The following NRXN1 variants were observed in gnomAD, a reference collection of about 807,000 sequenced individuals.
The protein encoded by NRXN1 is neurexin 1, also known as neurexin-1.
Under a neutral mutation model 150.9 loss-of-function variants are expected in NRXN1, and 39 were observed. The ratio of observed to expected loss-of-function variants is 0.26; its 90% CI spans 0.20 to 0.34. The LOEUF (loss-of-function observed/expected upper bound fraction) is 0.34. NRXN1 is among the 10% of genes least tolerant of loss of function. The pLI, the probability that NRXN1 is intolerant of heterozygous loss-of-function variation, is 1.00. For missense variants in NRXN1, 1,815 were observed against 1,949.9 expected, an observed-to-expected ratio of 0.93 and a Z score of 1.30; for synonymous variants, 924 against 757.0, an observed-to-expected ratio of 1.22 and a Z score of -3.62.
chr2:50,796,997 A>G (rs566096168), intron 5 of NRXN1, among the ~76,000 whole-genome samples: 18 of 152,294 alleles, frequency 1.2e-4, no homozygotes, highest in African/African-American at 4.3e-4. Flanking sequence ...GTGTCCTCAC[A>G]TGGCAGAAGG....
At chr2:50,973,792 G>A (rs1023429909) in intron 2 of NRXN1, among the ~76,000 whole-genome samples, 1 of 151,982 alleles carries the variant, frequency 6.6e-6, no homozygotes, top group Non-Finnish European at 1.5e-5. Flanking sequence ...TTTTATAATT[G>A]TAGCTTCATA....
chr2:50,787,334 T>C (rs1705266329), intron 5 of NRXN1, among the ~76,000 whole-genome samples: 1 of 151,486 alleles, frequency 6.6e-6, no homozygotes, highest in South Asian at 2.1e-4. Context: ...CCGAGGTGAG[T>C]GGATCACCTG....
At chr2:50,703,735 T>C (rs1292664673) in intron 5 of NRXN1, among the ~76,000 whole-genome samples, 2 of 152,192 alleles carry the variant, frequency 1.3e-5, no homozygotes, top group African/African-American at 4.8e-5. Context: ...GTTTATTGTA[T>C]GTTAGAATTT....
intron 5 of NRXN1, among the ~76,000 whole-genome samples, chr2:50,886,204 A>G (rs979346475): frequency 1.3e-5 from 2 of 151,348 alleles, no homozygotes; most frequent in African/African-American, 4.8e-5. Flanking sequence ...AACTGGCTAG[A>G]TAACATGTAC....
chr2:50,464,673 G>C (rs1326229495), intron 17 of NRXN1, among the ~76,000 whole-genome samples: 1 of 151,960 alleles, frequency 6.6e-6, no homozygotes, highest in East Asian at 1.9e-4. Flanking sequence ...CAATTTGTCA[G>C]GAATATTCTC....
chr2:50,054,930 TGAAG>T (rs1196824252), intron 20 of NRXN1, 21 bp downstream of exon 20: 2 of 1,435,798 alleles, frequency 1.4e-6, no homozygotes, highest in Admixed American at 4.8e-5. Flanking sequence ...TTTTTTTATT[TGAAG>T]TTTTAATCAA....
chr2:50,479,246 A>G (rs1204768446), intron 15 of NRXN1, among the ~76,000 whole-genome samples: 1 of 152,092 alleles, frequency 6.6e-6, no homozygotes, highest in African/African-American at 2.4e-5. Flanking sequence ...GCCTTTCCCC[A>G]ACTCTGCATT....
intron 17 of NRXN1, among the ~76,000 whole-genome samples, chr2:50,361,496 T>C (rs2079186086): frequency 1.3e-5 from 2 of 152,032 alleles, no homozygotes; most frequent in Non-Finnish European, 2.9e-5. Flanking sequence ...TCTATGCAAA[T>C]AAACTAGAAA....
At chr2:50,873,134 T>C (rs1413859055) in intron 5 of NRXN1, among the ~76,000 whole-genome samples, 1 of 151,930 alleles carries the variant, frequency 6.6e-6, no homozygotes, top group Non-Finnish European at 1.5e-5. Flanking sequence ...CACATTAACC[T>C]ATCTGTGCCT....
chr2:50,829,736 C>G, intron 5 of NRXN1: 2 of 1,585,234 alleles, frequency 1.3e-6, no homozygotes, highest in South Asian at 1.1e-5. Flanking sequence ...TGGCAGCGCC[C>G]AAGGTTGCAC....
intron 5 of NRXN1, among the ~76,000 whole-genome samples, chr2:50,851,780 C>G (rs936308800): frequency 2.0e-5 from 3 of 152,148 alleles, no homozygotes; most frequent in African/African-American, 7.2e-5. Context: ...GCCCAAGGTT[C>G]TCATCGGCTT....
chr2:50,287,373 G>A (rs1179585024), intron 17 of NRXN1, among the ~76,000 whole-genome samples: 2 of 152,032 alleles, frequency 1.3e-5, no homozygotes, highest in Non-Finnish European at 2.9e-5. Context: ...TACAGGGGAA[G>A]GTAACCACAA....
At chr2:49,954,108 A>G (rs1280391185) in intron 21 of NRXN1, among the ~76,000 whole-genome samples, 1 of 152,100 alleles carries the variant, frequency 6.6e-6, no homozygotes, top group African/African-American at 2.4e-5. Flanking sequence ...GAAGAGGACA[A>G]CCCAATGTCC....
At chr2:49,953,087 A>AC (rs1262315384) in intron 21 of NRXN1, among the ~76,000 whole-genome samples, 1 of 152,174 alleles carries the variant, frequency 6.6e-6, no homozygotes, top group Non-Finnish European at 1.5e-5. Flanking sequence ...ACTGGGTAGT[A>AC]CTATGACCAA....
intron 17 of NRXN1, among the ~76,000 whole-genome samples, chr2:50,397,507 C>T (rs116714309): frequency 0.015 from 2,237 of 152,100 alleles, 56 homozygotes; most frequent in African/African-American, 0.049. Context: ...TACAGATGAA[C>T]GGTGGGTACT....
chr2:50,127,373 A>T (rs1367260983), intron 18 of NRXN1, among the ~76,000 whole-genome samples: 8 of 152,192 alleles, frequency 5.3e-5, no homozygotes, highest in Non-Finnish European at 1.0e-4. Flanking sequence ...TAAAATTTTT[A>T]AAAACCTGAT....
chr2:50,012,585 T>A (rs1334151234), intron 21 of NRXN1, among the ~76,000 whole-genome samples: 1 of 152,122 alleles, frequency 6.6e-6, no homozygotes, highest in African/African-American at 2.4e-5. Flanking sequence ...ATCTTACAGA[T>A]CTGATAATTT....
At chr2:50,645,896 A>C (rs1372914450) in intron 5 of NRXN1, among the ~76,000 whole-genome samples, 2 of 151,962 alleles carry the variant, frequency 1.3e-5, no homozygotes, top group East Asian at 3.9e-4. Context: ...TAAATCACAC[A>C]TTAAACAAAT....
Position 50,695,652 on chromosome 2 carries a change from T to A in NRXN1, c.833-72037A>T, listed in dbSNP as rs186135215. 2.0e-5 allele frequency among the ~76,000 whole-genome samples: 3 copies of A among 152,266 alleles called. No homozygotes were observed. In the East Asian group the frequency reaches 5.8e-4, roughly 29 times the overall value. On this transcript the variant is annotated intron_variant, in intron 5 of 22. Transcript: ENST00000401669. The stretch of plus-strand genomic sequence containing the variant: ...GAGAGATTAAAATATGTGAAATATG[T>A]TAATAGTTCTAAGAAGGCTTTTATC...
Sources: gnomAD v4.1 joint callset for allele counts (sites outside exome capture counted in the v4.1 genomes callset) on GRCh38, gnomAD v4.1.1 for gene constraint, MANE v1.5 for transcripts, NCBI Gene and HGNC (gene_info 2026-07-23, HGNC 2026-07-21) for gene names.